Variants in ZNF589 observed in about 807,000 individuals in gnomAD.
ZNF589 encodes zinc finger protein 589.
A neutral mutation model predicts 13.6 loss-of-function variants in ZNF589; 17 were observed. The ratio of observed to expected loss-of-function variants is 1.25; its 90% CI spans 0.86 to 1.88. The LOEUF (loss-of-function observed/expected upper bound fraction) is 1.88, where lower values mean the gene tolerates loss of function less well. Among genes scored for constraint, ZNF589 ranks in the 40% most tolerant of loss-of-function variants. The pLI is 0.00. For synonymous variants in ZNF589, 148 were observed against 161.6 expected, an observed-to-expected ratio of 0.92 and a Z score of 0.64; for missense variants, 407 against 434.0, an observed-to-expected ratio of 0.94 and a Z score of 0.55.
intron 2 of ZNF589, among the ~76,000 whole-genome samples, chr3:48,254,656 T>A (rs919963470): frequency 2.6e-5 from 4 of 152,184 alleles, no homozygotes; most frequent in African/African-American, 9.7e-5. Context: ...TTGTTTGTAG[T>A]TTTTCACATG....
At chr3:48,242,032 G>T (rs905744593) in intron 1 of ZNF589, among the ~76,000 whole-genome samples, 2 of 151,832 alleles carry the variant, frequency 1.3e-5, no homozygotes, top group African/African-American at 2.4e-5. Context: ...GGCTGGTCTC[G>T]AACTCCTGGC....
At chr3:48,248,330 C>T (rs143221121) in intron 2 of ZNF589, among the ~76,000 whole-genome samples, 139 of 152,308 alleles carry the variant, frequency 9.1e-4, no homozygotes, top group African/African-American at 3.1e-3. Context: ...CACAGGGACA[C>T]GTGGATGGCC....
At chr3:48,244,540 A>C (rs2033739392) in intron 1 of ZNF589, among the ~76,000 whole-genome samples, 1 of 152,154 alleles carries the variant, frequency 6.6e-6, no homozygotes, top group Admixed American at 6.6e-5. Context: ...ATGGTTTTCT[A>C]GGGCATGCAA....
intron 3 of ZNF589, among the ~76,000 whole-genome samples, chr3:48,263,389 C>T (rs2033987183): frequency 1.3e-5 from 2 of 152,192 alleles, no homozygotes; most frequent in South Asian, 2.1e-4. Flanking sequence ...GGATTACCGG[C>T]GTGAGCCGCC....
intron 1 of ZNF589, among the ~76,000 whole-genome samples, chr3:48,242,337 C>T (rs1372347637): frequency 6.6e-6 from 1 of 152,092 alleles, no homozygotes; most frequent in Admixed American, 6.6e-5. Flanking sequence ...GTCTTGAACT[C>T]CTGACCCCAG....
chr3:48,257,910 T>C (rs987407247), intron 2 of ZNF589: 1 of 445,688 alleles, frequency 2.2e-6, no homozygotes, highest in Non-Finnish European at 4.4e-6. Context: ...TATTGATCTG[T>C]GTGTCTATTC....
intron 2 of ZNF589, chr3:48,256,542 G>A: frequency 4.6e-6 from 3 of 654,554 alleles, no homozygotes; most frequent in Non-Finnish European, 8.5e-6. Context: ...GGAAGCTGAG[G>A]CCTGTGATTT....
chr3:48,261,591 A>G (rs1049482097), intron 3 of ZNF589, among the ~76,000 whole-genome samples: 2 of 152,368 alleles, frequency 1.3e-5, no homozygotes, highest in African/African-American at 4.8e-5. Context: ...CACTTATTTA[A>G]AAACTAAAAC....
intron 2 of ZNF589, among the ~76,000 whole-genome samples, chr3:48,249,024 G>A (rs530167447): frequency 2.6e-5 from 4 of 152,228 alleles, no homozygotes; most frequent in South Asian, 2.1e-4. Flanking sequence ...TGACTTGGGA[G>A]CAAATTACTT....
intron 3 of ZNF589, among the ~76,000 whole-genome samples, chr3:48,265,133 T>G (rs2034006417): frequency 6.7e-6 from 1 of 149,688 alleles, no homozygotes; most frequent in African/African-American, 2.5e-5. Context: ...CACCATGCCC[T>G]GCTAATTTTT....
chr3:48,257,259 G>GT (rs1405819878), intron 2 of ZNF589, among the ~76,000 whole-genome samples: 1 of 138,970 alleles, frequency 7.2e-6, no homozygotes, highest in Non-Finnish European at 1.5e-5. Context: ...TTTTTGTTTT[G>GT]TTTTTTGTTT....
intron 2 of ZNF589, among the ~76,000 whole-genome samples, chr3:48,259,701 G>A (rs189565670): frequency 2.0e-5 from 3 of 152,106 alleles, no homozygotes; most frequent in Admixed American, 6.6e-5. Context: ...ACTTGAGGTC[G>A]GGAATTGGAG....
intron 2 of ZNF589, among the ~76,000 whole-genome samples, chr3:48,255,964 T>C (rs1429037073): frequency 6.6e-6 from 1 of 152,220 alleles, no homozygotes; most frequent in Non-Finnish European, 1.5e-5. Context: ...TCAAATGATA[T>C]GATCATATGA....
At chr3:48,257,586 A>AT (rs767101401) in intron 2 of ZNF589, among the ~76,000 whole-genome samples, 4,127 of 151,550 alleles carry the variant, frequency 0.027, 109 homozygotes, top group African/African-American at 0.076. Flanking sequence ...CTGGTTTATT[A>AT]TTATTTTTTT....
At chr3:48,241,539 A>G (rs2033698914) in intron 1 of ZNF589, among the ~76,000 whole-genome samples, 1 of 152,124 alleles carries the variant, frequency 6.6e-6, no homozygotes, top group Non-Finnish European at 1.5e-5. Context: ...ATATTATATC[A>G]TATTTATTTT....
At position 48,254,326 on chromosome 3, in the gene ZNF589, A is replaced by G. The variant is rs796962315; in HGVS notation, c.97-6487A>G. 7.2e-5 allele frequency among the ~76,000 whole-genome samples: 11 copies of G among 152,302 alleles called. No homozygotes were observed. The East Asian group carries it at 1.9e-3, about 27-fold the overall frequency. ...TTCTGGACTCTATTCTGTTCCACTGATCTACTTGCCTTTGTTTTTGCCCAT... is the reference window on the plus strand; with the variant it reads ...TTCTGGACTCTATTCTGTTCCACTGGTCTACTTGCCTTTGTTTTTGCCCAT... On this transcript the variant is annotated intron_variant, in intron 2 of 3. Transcript: ENST00000354698.
At chr3:48,244,951 A>C (rs2033744193) in intron 1 of ZNF589, among the ~76,000 whole-genome samples, 1 of 151,534 alleles carries the variant, frequency 6.6e-6, no homozygotes, top group Admixed American at 6.6e-5. Context: ...AGAAGCTGGG[A>C]TTACAGGCAT....
intron 2 of ZNF589, among the ~76,000 whole-genome samples, chr3:48,250,344 G>T (rs1285698186): frequency 1.4e-5 from 2 of 142,968 alleles, no homozygotes; most frequent in African/African-American, 2.6e-5. Flanking sequence ...ATAGAGACGG[G>T]TCTCACTATG....
rs1460561944 is a variant in ZNF589 at position 48,241,207 on chromosome 3, T to A, written c.36T>A (p.Thr12=). 1 of 1,612,644 alleles carries A rather than the reference T, an allele frequency of 6.2e-7. No homozygotes were observed. The highest frequency in any genetic ancestry group is 8.5e-7 in the Non-Finnish European group (1 of 1,179,722). The part of the protein sequence containing the change: ...WAPREQLLGW[T]AEALPAKDSA... ...CGCGGGAGCAGCTACTGGGCTGGAC[T>A]GCGGAAGGTGAGTCGGGGCCGCGAG... is the stretch of plus-strand genomic sequence containing the variant. The change falls in exon 1 of 4, where the codon ACT becomes ACA. Residue 12 remains threonine (T), a synonymous_variant. Transcript: ENST00000354698.
Sources: allele counts gnomAD v4.1 joint callset (sites outside exome capture counted in the v4.1 genomes callset), GRCh38; gene constraint gnomAD v4.1.1; transcripts MANE v1.5; gene names NCBI Gene and HGNC (gene_info 2026-07-23, HGNC 2026-07-21).